SNX18: variants seen among roughly 807,000 people sequenced by gnomAD.
SNX18 encodes the protein sorting nexin-18.
SNX18 carries 35 observed loss-of-function variants against 48.7 expected under a neutral mutation model. That is an observed-to-expected ratio of 0.72 (90% CI 0.55 to 0.95). The LOEUF (loss-of-function observed/expected upper bound fraction) is 0.95. Among genes scored for constraint, SNX18 ranks in the 40% least tolerant of loss-of-function variants. The probability of loss-of-function intolerance (pLI) is 0.00; values close to 1 mark genes in which losing one functional copy is unlikely to be tolerated. For missense variants in SNX18, 824 were observed against 871.0 expected (o/e 0.95, Z 0.68); for synonymous variants, 492 against 384.7 (o/e 1.28, Z -3.26).
At chr5:54,530,566 T>C (rs181118201) in intron 1 of SNX18, among the ~76,000 whole-genome samples, 71 of 152,250 alleles carry the variant, frequency 4.7e-4, no homozygotes, top group Non-Finnish European at 7.9e-4. Context: ...CGTTTAATCA[T>C]AATCAAAATA....
the SNX18 span, among the ~76,000 whole-genome samples, chr5:54,606,222 A>T: frequency 6.6e-6 from 1 of 152,232 alleles, no homozygotes. Flanking sequence ...ATTGTTAAGG[A>T]ACATTTCATT....
chr5:54,528,122 G>A (rs1300723454), intron 1 of SNX18, among the ~76,000 whole-genome samples: 2 of 138,894 alleles, frequency 1.4e-5, no homozygotes, highest in African/African-American at 2.7e-5. Flanking sequence ...TTAAACTTAC[G>A]CATGCATACA....
At chr5:54,618,294 AC>A in the SNX18 span, among the ~76,000 whole-genome samples, 2 of 152,216 alleles carry the variant, frequency 1.3e-5, no homozygotes, top group African/African-American at 4.8e-5. Context: ...AGTCAATTAA[AC>A]CTCTGTCTTT....
the SNX18 span, among the ~76,000 whole-genome samples, chr5:54,585,302 A>C: frequency 2.0e-5 from 3 of 151,984 alleles, no homozygotes; most frequent in Non-Finnish European, 4.4e-5. Context: ...AAAAAGAAAA[A>C]AAAAAAAAAA....
At chr5:54,576,645 A>G in the SNX18 span, among the ~76,000 whole-genome samples, 2 of 152,138 alleles carry the variant, frequency 1.3e-5, no homozygotes, top group African/African-American at 4.8e-5. Context: ...GTCCTCACCC[A>G]CTTTATTACA....
At chr5:54,608,227 T>C in the SNX18 span, among the ~76,000 whole-genome samples, 1 of 152,280 alleles carries the variant, frequency 6.6e-6, no homozygotes, top group East Asian at 1.9e-4. Flanking sequence ...AGGTGTGTGG[T>C]CATATTATGG....
chr5:54,558,784 A>G, the SNX18 span, among the ~76,000 whole-genome samples: 2 of 152,162 alleles, frequency 1.3e-5, no homozygotes, highest in Non-Finnish European at 2.9e-5. Context: ...AGGTTGTTCG[A>G]TGTAAAAAAG....
In SNX18 at chr5:54,518,701, G is replaced by T; in HGVS notation, c.749G>T (p.Gly250Val). The change falls in exon 1 of 2, where the codon GGC becomes GTC. Residue 250 changes from glycine to valine, a missense_variant. Gly to Val is a moderately radical substitution (Grantham distance 109). Transcript: ENST00000381410. ...GCCTTCGTGCTGGGGGAGGCGTCAG[G>T]CTTCGTGAAGGACGGGGACAAGCTG... is the stretch of plus-strand genomic sequence containing the variant. The part of the protein sequence containing the change: ...GEAFVLGEAS[G>V]FVKDGDKLCV... 6.3e-7 allele frequency: 1 copy of T among 1,584,214 alleles called. No individual in the cohort carries two copies. Among genetic ancestry groups the T allele is most frequent in the Non-Finnish European group, 8.6e-7 (1 of 1,165,608 alleles).
At chr5:54,593,947 C>T in the SNX18 span, among the ~76,000 whole-genome samples, 1 of 152,136 alleles carries the variant, frequency 6.6e-6, no homozygotes, top group African/African-American at 2.4e-5. Context: ...GATAAGAAAT[C>T]CTTGTGATCT....
chr5:54,580,977 T>C, the SNX18 span, among the ~76,000 whole-genome samples: 1 of 152,056 alleles, frequency 6.6e-6, no homozygotes, highest in African/African-American at 2.4e-5. Flanking sequence ...GGCAATACGG[T>C]GGGCTTCATG....
chr5:54,552,389 A>G, the SNX18 span, among the ~76,000 whole-genome samples: 2 of 152,202 alleles, frequency 1.3e-5, no homozygotes, highest in African/African-American at 4.8e-5. Context: ...GAGCCTTTGG[A>G]TTCTGAAGCC....
At chr5:54,585,935 G>A in the SNX18 span, among the ~76,000 whole-genome samples, 1 of 151,674 alleles carries the variant, frequency 6.6e-6, no homozygotes, top group Non-Finnish European at 1.5e-5. Flanking sequence ...AACCTGGGAG[G>A]CGGAGCTTGC....
chr5:54,588,254 GA>G, the SNX18 span, among the ~76,000 whole-genome samples: 6 of 126,710 alleles, frequency 4.7e-5, no homozygotes, highest in Admixed American at 8.0e-5. Context: ...GAAGTCATTT[GA>G]AAAAAAAATA....
the SNX18 span, among the ~76,000 whole-genome samples, chr5:54,563,621 C>T: frequency 6.6e-6 from 1 of 152,164 alleles, no homozygotes; most frequent in Non-Finnish European, 1.5e-5. Context: ...TGTGAAATGA[C>T]ACATGACTGT....
At chr5:54,612,141 T>G in the SNX18 span, among the ~76,000 whole-genome samples, 1 of 152,220 alleles carries the variant, frequency 6.6e-6, no homozygotes, top group African/African-American at 2.4e-5. Flanking sequence ...TTATAATAGT[T>G]AATATTATTG....
Position 54,518,394 on chromosome 5 carries a change from C to G in SNX18, c.442C>G (p.Gln148Glu). Residue 148 changes from glutamine (Q) to glutamate (E), a missense_variant, in exon 1 of 2, where the codon CAA becomes GAA. Coordinates refer to ENST00000381410, the MANE Select transcript of SNX18 (RefSeq NM_001102575.2). ...QQLYGGYQASQGSDDDWDDEW... is the reference protein window; with the variant it reads ...QQLYGGYQASEGSDDDWDDEW... Reference sequence around the variant, plus strand: ...GCTCTACGGCGGCTACCAGGCCAGCCAAGGCAGCGATGATGACTGGGACGA... The same window carrying G: ...GCTCTACGGCGGCTACCAGGCCAGCGAAGGCAGCGATGATGACTGGGACGA... 1.3e-6 allele frequency: 2 copies of G among 1,581,650 alleles called. No individual in the cohort carries two copies. Among genetic ancestry groups the G allele is most frequent in the Middle Eastern group, 1.7e-4 (1 of 6,026 alleles).
chr5:54,526,903 T>A (rs1290725440), intron 1 of SNX18, among the ~76,000 whole-genome samples: 2 of 151,384 alleles, frequency 1.3e-5, no homozygotes, highest in Non-Finnish European at 2.9e-5. Context: ...AAAGTGAGAT[T>A]TAAGCAGAGA....
At chr5:54,644,344 A>T in the SNX18 span, 1 of 152,264 alleles carries the variant, frequency 6.6e-6, no homozygotes, top group African/African-American at 2.4e-5. Flanking sequence ...TCACAAAGAC[A>T]GCTGATGTTT....
intron 1 of SNX18, among the ~76,000 whole-genome samples, chr5:54,533,378 C>T (rs1762286243): frequency 6.6e-6 from 1 of 152,142 alleles, no homozygotes; most frequent in South Asian, 2.1e-4. Context: ...TGAATCCATG[C>T]AGGAATAGTA....
Sources: allele counts gnomAD v4.1 joint callset (sites outside exome capture counted in the v4.1 genomes callset), GRCh38; gene constraint gnomAD v4.1.1; transcripts MANE v1.5; gene names NCBI Gene and HGNC (gene_info 2026-07-23, HGNC 2026-07-21).